STT3B: variants seen among roughly 807,000 people sequenced by gnomAD.
STT3B encodes the protein STT3 oligosaccharyltransferase complex catalytic subunit B.
In STT3B, 29 loss-of-function variants were observed where a neutral mutation model predicts 96.8. The ratio of observed to expected loss-of-function variants is 0.30; its 90% CI spans 0.22 to 0.41. The LOEUF is 0.41. Among genes scored for constraint, STT3B ranks in the 10% least tolerant of loss-of-function variants. The probability of loss-of-function intolerance (pLI) is 1.00; values close to 1 mark genes in which losing one functional copy is unlikely to be tolerated. For synonymous variants in STT3B, 367 were observed against 360.0 expected (o/e 1.02, Z -0.22); for missense variants, 640 against 1,022.3 (o/e 0.63, Z 5.10).
intron 9 of STT3B, among the ~76,000 whole-genome samples, chr3:31,621,640 C>T (rs2125475509): frequency 6.6e-6 from 1 of 152,272 alleles, no homozygotes; most frequent in African/African-American, 2.4e-5. Flanking sequence ...TTTGCAGGTT[C>T]CTCCTTTGAT....
At chr3:31,622,387 C>G in intron 10 of STT3B, 79 bp downstream of exon 10, 1 of 1,180,164 alleles carries the variant, frequency 8.5e-7, no homozygotes. Flanking sequence ...CTATACATAT[C>G]AAGAAATGTT....
intron 10 of STT3B, among the ~76,000 whole-genome samples, chr3:31,622,910 C>T (rs1699459476): frequency 6.6e-6 from 1 of 152,174 alleles, no homozygotes; most frequent in Non-Finnish European, 1.5e-5. Flanking sequence ...ACATATTAAA[C>T]TTTGCTATTT....
intron 14 of STT3B, 148 bp from the exon 15 acceptor site, chr3:31,632,787 A>T (rs923835619): frequency 6.1e-6 from 4 of 656,064 alleles, no homozygotes; most frequent in Non-Finnish European, 1.0e-5. Flanking sequence ...AGTTAGCAAT[A>T]CATGAGAACT....
At chr3:31,597,260 A>G (rs1457308017) in intron 4 of STT3B, among the ~76,000 whole-genome samples, 2 of 152,030 alleles carry the variant, frequency 1.3e-5, no homozygotes, top group Admixed American at 6.6e-5. Context: ...CCTGGGTTCA[A>G]GCAATTCTCC....
Position 31,606,534 on chromosome 3 carries a change from G to A in STT3B, c.877+6075G>A, listed in dbSNP as rs750535169. On this transcript the variant is annotated intron_variant, in intron 5 of 15. Transcript: ENST00000295770. ...TCAGAGGTTGCAACCTGTAAGTCTCGGCAGCTTCCACATGGTGTTGAGCTT... is the reference window on the plus strand; with the variant it reads ...TCAGAGGTTGCAACCTGTAAGTCTCAGCAGCTTCCACATGGTGTTGAGCTT... Among the ~76,000 whole-genome samples, 41 of 152,262 alleles carry A rather than the reference G, an allele frequency of 2.7e-4. 1 individual carries two copies. Among genetic ancestry groups the A allele is most frequent in the East Asian group, 7.7e-4 (4 of 5,166 alleles).
chr3:31,571,249 A>G (rs1472631420), intron 1 of STT3B, among the ~76,000 whole-genome samples: 1 of 151,032 alleles, frequency 6.6e-6, no homozygotes, highest in Admixed American at 6.6e-5. Flanking sequence ...AAGGGGGGAA[A>G]AGGGAGAAAA....
rs539703733 is a variant in STT3B at position 31,546,449 on chromosome 3, A to G, written c.314+13137A>G. Among the ~76,000 whole-genome samples, 3 of 152,302 alleles carry G rather than the reference A, an allele frequency of 2.0e-5. No homozygotes were observed. In the East Asian group the frequency reaches 5.8e-4, roughly 29 times the overall value. On this transcript the variant is annotated intron_variant, in intron 1 of 15. Transcript: ENST00000295770. The stretch of plus-strand genomic sequence containing the variant: ...ACTGCTTAGTCTGCCTCAGCATTGC[A>G]GCGGGGTTCTGAGAAAGAACATTTC...
chr3:31,538,279 A>G (rs1253555331), intron 1 of STT3B, among the ~76,000 whole-genome samples: 2 of 152,204 alleles, frequency 1.3e-5, no homozygotes, highest in Non-Finnish European at 2.9e-5. Context: ...ATTTATTTCT[A>G]CATAGTGTTT....
intron 10 of STT3B, 56 bp downstream of exon 10, chr3:31,622,364 A>G: frequency 2.1e-6 from 3 of 1,426,404 alleles, no homozygotes; most frequent in Non-Finnish European, 2.9e-6. Flanking sequence ...TAATTTTTCC[A>G]CCACAGTAAG....
Position 31,625,942 on chromosome 3 carries a change from TAAA to T in STT3B, c.1900-11_1900-9del. ...AATCAAAAACATTCTCATTTTTTTT[TAAA>T]TTCTGCAGGTGGGAAAAGCTATGTC... On this transcript the variant is annotated splice_polypyrimidine_tract_variant and intron_variant, in intron 12 of 15. Coordinates refer to ENST00000295770, the MANE Select transcript of STT3B (RefSeq NM_178862.3). The T allele has an allele frequency of 6.4e-7, 1 of 1,556,596 alleles. No individual in the cohort carries two copies. The highest frequency in any genetic ancestry group is 2.1e-5 in the Admixed American group (1 of 48,096).
At chr3:31,599,168 C>G (rs1001423111) in intron 4 of STT3B, among the ~76,000 whole-genome samples, 6 of 152,118 alleles carry the variant, frequency 3.9e-5, no homozygotes, top group Admixed American at 3.9e-4. Flanking sequence ...CCTTTTTATT[C>G]TTCTTTCTCT....
intron 5 of STT3B, among the ~76,000 whole-genome samples, chr3:31,613,395 A>G (rs921724552): frequency 3.3e-5 from 5 of 152,220 alleles, no homozygotes; most frequent in South Asian, 2.1e-4. Flanking sequence ...AAAAACATAA[A>G]TGACATAAGG....
chr3:31,554,393 A>G (rs541221089), intron 1 of STT3B, among the ~76,000 whole-genome samples: 7 of 152,174 alleles, frequency 4.6e-5, no homozygotes, highest in African/African-American at 1.4e-4. Context: ...CTTTTTGTCT[A>G]ACTAGTACTA....
chr3:31,541,478 T>G (rs1697263847), intron 1 of STT3B, among the ~76,000 whole-genome samples: 1 of 151,832 alleles, frequency 6.6e-6, no homozygotes, highest in Admixed American at 6.5e-5. Context: ...TTTTGTTTTT[T>G]TTTTTTTTTG....
chr3:31,612,829 G>T (rs949820442), intron 5 of STT3B, among the ~76,000 whole-genome samples: 6 of 152,078 alleles, frequency 3.9e-5, no homozygotes, highest in Non-Finnish European at 8.8e-5. Context: ...AGCAAAGTGT[G>T]GCTCCATTTG....
chr3:31,576,672 C>T (rs563726519), intron 2 of STT3B, among the ~76,000 whole-genome samples, 168 bp downstream of exon 2: 2 of 152,218 alleles, frequency 1.3e-5, no homozygotes, highest in Non-Finnish European at 2.9e-5. Context: ...CTTGATACCT[C>T]CTCCCCTTAA....
intron 1 of STT3B, among the ~76,000 whole-genome samples, chr3:31,560,799 C>A (rs79522949): frequency 6.6e-6 from 1 of 152,056 alleles, no homozygotes; most frequent in Non-Finnish European, 1.5e-5. Context: ...AAATCTCTTG[C>A]TAGACTTGGG....
chr3:31,556,837 TTG>T (rs1183319331), intron 1 of STT3B, among the ~76,000 whole-genome samples: 2 of 152,226 alleles, frequency 1.3e-5, no homozygotes, highest in African/African-American at 2.4e-5. Context: ...TTTCAGTAGG[TTG>T]TGTCTTCACT....
chr3:31,620,110 A>T (rs1381657424), intron 9 of STT3B: 1 of 468,870 alleles, frequency 2.1e-6, no homozygotes, highest in East Asian at 7.7e-5. Context: ...CCTTGTCTCT[A>T]CTAAAAATAC....
Sources: gnomAD v4.1 joint callset for allele counts (sites outside exome capture counted in the v4.1 genomes callset) on GRCh38, gnomAD v4.1.1 for gene constraint, MANE v1.5 for transcripts, NCBI Gene and HGNC (gene_info 2026-07-23, HGNC 2026-07-21) for gene names.